The following RAB27A variants were observed in gnomAD, a reference collection of about 807,000 sequenced individuals.
RAB27A encodes the protein ras-related protein Rab-27A.
A neutral mutation model predicts 20.8 loss-of-function variants in RAB27A; 17 were observed. That is an observed-to-expected ratio of 0.82 (90% CI 0.56 to 1.23). RAB27A has a LOEUF of 1.23. Among genes scored for constraint, RAB27A ranks in the 50% most tolerant of loss-of-function variants. The pLI, the probability that RAB27A is intolerant of heterozygous loss-of-function variation, is 0.00. For synonymous variants in RAB27A, 85 were observed against 92.8 expected (o/e 0.92, Z 0.48); for missense variants, 277 against 266.7 (o/e 1.04, Z -0.27).
chr15:55,217,068 A>C (rs1895340236), intron 6 of RAB27A, among the ~76,000 whole-genome samples: 1 of 152,240 alleles, frequency 6.6e-6, no homozygotes, highest in South Asian at 2.1e-4. Flanking sequence ...CATACTTTAG[A>C]TTTGTAACTC....
At chr15:55,213,533 A>G (rs1044558563) in intron 6 of RAB27A, among the ~76,000 whole-genome samples, 1 of 152,198 alleles carries the variant, frequency 6.6e-6, no homozygotes, top group African/African-American at 2.4e-5. Flanking sequence ...GCCACACAAC[A>G]GGAGGTAAGC....
intron 2 of RAB27A, among the ~76,000 whole-genome samples, chr15:55,254,775 G>C (rs1464877917): frequency 6.6e-6 from 1 of 152,060 alleles, no homozygotes. Context: ...ATTTCTTTCA[G>C]GCACAAAATA....
At chr15:55,275,502 C>CT (rs139696920) in intron 1 of RAB27A, among the ~76,000 whole-genome samples, 5,524 of 151,876 alleles carry the variant, frequency 0.036, 147 homozygotes, top group Non-Finnish European at 0.055. Context: ...TGGTGGGCAC[C>CT]TGTAATCCTG....
chr15:55,274,802 AT>A (rs1897811292), intron 1 of RAB27A, among the ~76,000 whole-genome samples: 1 of 123,394 alleles, frequency 8.1e-6, no homozygotes, highest in Non-Finnish European at 1.7e-5. Context: ...AATTATATAT[AT>A]ATATATATAT....
At chr15:55,233,304 T>C (rs1896119188) in intron 3 of RAB27A, among the ~76,000 whole-genome samples, 1 of 152,026 alleles carries the variant, frequency 6.6e-6, no homozygotes, top group Non-Finnish European at 1.5e-5. Flanking sequence ...TTGCTATTAA[T>C]CAAAATTAGA....
At chr15:55,269,489 G>C (rs1897630830) in intron 2 of RAB27A, among the ~76,000 whole-genome samples, 1 of 152,204 alleles carries the variant, frequency 6.6e-6, no homozygotes, top group Non-Finnish European at 1.5e-5. Context: ...GCTCATGCCT[G>C]TAATCCCAGC....
At position 55,227,293 on chromosome 15, in the gene RAB27A, T is replaced by C. The variant is rs16953230; in HGVS notation, c.343+1316A>G. Among the ~76,000 whole-genome samples the C allele has an allele frequency of 6.9e-3, 1,048 of 151,590 alleles. 10 individuals carry two copies. The highest frequency in any genetic ancestry group is 0.024 in the African/African-American group (983 of 41,356). ...GCGTTATTTTTTGATGCTAAGATTC[T>C]ATGCGCACTCTCTAGTGATCCTTAT... On this transcript the variant is annotated intron_variant, in intron 5 of 6. Coordinates refer to ENST00000336787, the MANE Select transcript of RAB27A (RefSeq NM_183235.3).
intron 2 of RAB27A, among the ~76,000 whole-genome samples, chr15:55,303,148 C>T (rs1445059728): frequency 1.7e-3 from 185 of 111,390 alleles, no homozygotes; most frequent in African/African-American, 3.7e-3. Flanking sequence ...GTCAGCCCCC[C>T]GCCCGGCCAG....
At chr15:55,228,576 T>TAA (rs748603943) in intron 5 of RAB27A, 33 bp downstream of exon 5, 17 of 1,460,724 alleles carry the variant, frequency 1.2e-5, no homozygotes, top group Admixed American at 1.7e-5. Context: ...GAGGGGACTG[T>TAA]GTAGCAGGAC....
At position 55,203,313 on chromosome 15, in the gene RAB27A, A is replaced by G. The variant is rs904431636; in HGVS notation, c.*2194T>C. 4 of 152,060 alleles carry G rather than the reference A, an allele frequency of 2.6e-5. No individual in the cohort carries two copies. Among genetic ancestry groups the G allele is most frequent in the Non-Finnish European group, 4.4e-5 (3 of 68,004 alleles). The allele number at this position is 152,060 out of a possible 1,614,324, so 9.4% of individuals were successfully genotyped here. On this transcript the variant is annotated 3_prime_UTR_variant, in exon 7 of 7. Coordinates refer to ENST00000336787, the MANE Select transcript of RAB27A (RefSeq NM_183235.3). Reference sequence around the variant, plus strand: ...TGTTATTCTAACACAAATACACCATATAGAATATGCCCTGATATGTAGCTG... The same window carrying G: ...TGTTATTCTAACACAAATACACCATGTAGAATATGCCCTGATATGTAGCTG...
intron 5 of RAB27A, among the ~76,000 whole-genome samples, chr15:55,227,471 G>A (rs1223325296): frequency 6.6e-6 from 1 of 152,150 alleles, no homozygotes; most frequent in Non-Finnish European, 1.5e-5. Context: ...CTAGCGAAGT[G>A]AAGCCCCAGT....
intron 2 of RAB27A, among the ~76,000 whole-genome samples, chr15:55,302,308 C>G (rs895849782): frequency 6.6e-6 from 1 of 152,188 alleles, no homozygotes; most frequent in Non-Finnish European, 1.5e-5. Flanking sequence ...CCCCTAACCG[C>G]GAGTGATCCC....
intron 6 of RAB27A, among the ~76,000 whole-genome samples, chr15:55,214,431 G>A (rs183436587): frequency 7.9e-5 from 12 of 152,244 alleles, no homozygotes; most frequent in African/African-American, 1.4e-4. Flanking sequence ...GCGAGACTCC[G>A]TCTCAAAACA....
intron 2 of RAB27A, among the ~76,000 whole-genome samples, chr15:55,265,080 T>C (rs967386063): frequency 1.3e-5 from 2 of 152,036 alleles, no homozygotes; most frequent in African/African-American, 4.8e-5. Context: ...CCATCTCTAC[T>C]AAAAATACAA....
chr15:55,209,127 T>C (rs1477074900), intron 6 of RAB27A, among the ~76,000 whole-genome samples: 2 of 152,236 alleles, frequency 1.3e-5, no homozygotes, highest in Non-Finnish European at 2.9e-5. Flanking sequence ...TATTTGTCTT[T>C]TCTTTATACT....
chr15:55,222,984 G>A (rs78507305), intron 6 of RAB27A, among the ~76,000 whole-genome samples: 26,517 of 152,024 alleles, frequency 0.17, 2,706 homozygotes, highest in African/African-American at 0.26. Flanking sequence ...TTCATGTCCA[G>A]TTCATGCTGC....
Position 55,228,609 on chromosome 15 carries a change from T to G in RAB27A, c.343A>C (p.Ser115Arg), listed in dbSNP as rs768213316. 1 of 1,585,666 alleles carries G rather than the reference T, an allele frequency of 6.3e-7. No individual in the cohort carries two copies. The highest frequency in any genetic ancestry group is 8.7e-7 in the Non-Finnish European group (1 of 1,154,144). ...GACACTGGGGAACAATAACACTTAC[T>G]TATCCAGTTTCTGACATTGAGGAAA... ...QSFLNVRNWI[S>R]QLQMHAYCEN... Residue 115 changes from serine to arginine, a missense_variant and splice_region_variant, in exon 5 of 7, where the codon AGC (serine) becomes CGC (arginine). By Grantham distance (110) the Ser-to-Arg change is moderately radical. Coordinates refer to ENST00000336787, the MANE Select transcript of RAB27A (RefSeq NM_183235.3).
intron 1 of RAB27A, among the ~76,000 whole-genome samples, chr15:55,288,070 C>A (rs28773006): frequency 0.07 from 10,587 of 152,202 alleles, 1,221 homozygotes; most frequent in African/African-American, 0.24. Context: ...GACCCCCTGC[C>A]TCACACCATA....
At chr15:55,232,239 T>G (rs1381245490) in intron 3 of RAB27A, among the ~76,000 whole-genome samples, 1 of 152,216 alleles carries the variant, frequency 6.6e-6, no homozygotes, top group East Asian at 1.9e-4. Context: ...CTAAGTTGAC[T>G]GAGCAGAGAC....
Sources: allele counts gnomAD v4.1 joint callset (sites outside exome capture counted in the v4.1 genomes callset), GRCh38; gene constraint gnomAD v4.1.1; transcripts MANE v1.5; gene names NCBI Gene and HGNC (gene_info 2026-07-23, HGNC 2026-07-21).